The following LRBA variants were observed in gnomAD, a reference collection of about 807,000 sequenced individuals.
LRBA encodes the protein lipopolysaccharide-responsive and beige-like anchor protein.
Under a neutral mutation model 330.0 loss-of-function variants are expected in LRBA, and 176 were observed. The observed-to-expected ratio is 0.53, with a 90% CI of 0.47 to 0.60. LRBA has a LOEUF of 0.60. Among genes scored for constraint, LRBA ranks in the 20% least tolerant of loss-of-function variants. The pLI is 0.00. For synonymous variants in LRBA, 1,230 were observed against 1,193.0 expected, an observed-to-expected ratio of 1.03 and a Z score of -0.64; for missense variants, 3,259 against 3,444.8, an observed-to-expected ratio of 0.95 and a Z score of 1.35.
At chr4:150,446,990 A>G (rs1752691615) in intron 44 of LRBA, among the ~76,000 whole-genome samples, 1 of 152,200 alleles carries the variant, frequency 6.6e-6, no homozygotes, top group African/African-American at 2.4e-5. Context: ...GTGATAATCA[A>G]TACTTATGAG....
chr4:150,856,511 G>A (rs967787585), intron 22 of LRBA, among the ~76,000 whole-genome samples: 3 of 152,016 alleles, frequency 2.0e-5, no homozygotes, highest in African/African-American at 4.8e-5. Context: ...ATTTATTCTC[G>A]CTTCATACTT....
At chr4:150,464,173 C>T (rs1261796454) in intron 44 of LRBA, among the ~76,000 whole-genome samples, 1 of 151,940 alleles carries the variant, frequency 6.6e-6, no homozygotes. Flanking sequence ...TCTGAATAAG[C>T]TATGTGCTGA....
intron 44 of LRBA, among the ~76,000 whole-genome samples, chr4:150,460,684 T>C (rs1754666237): frequency 3.3e-5 from 5 of 151,824 alleles, no homozygotes; most frequent in Admixed American, 3.3e-4. Flanking sequence ...GTTCATTTTC[T>C]TCTACTCTTT....
chr4:150,775,450 G>T (rs1025425466), intron 34 of LRBA, among the ~76,000 whole-genome samples: 19 of 110,028 alleles, frequency 1.7e-4, no homozygotes, highest in Non-Finnish European at 7.1e-5. Context: ...AGTCTGCAAT[G>T]GAACACACAC....
chr4:150,582,042 G>C (rs2126379397), intron 40 of LRBA: 1 of 146,768 alleles, frequency 6.8e-6, no homozygotes, highest in African/African-American at 2.5e-5. Context: ...AGCGGGGCGA[G>C]AAAGAGGTCG....
At chr4:150,761,957 TA>T in intron 34 of LRBA, 110 bp from the exon 35 acceptor site, 1 of 654,146 alleles carries the variant, frequency 1.5e-6, no homozygotes, top group East Asian at 2.7e-5. Flanking sequence ...GCCTAACTCT[TA>T]AAAGTTATGT....
At chr4:150,489,943 A>G (rs1394653810) in intron 41 of LRBA, among the ~76,000 whole-genome samples, 2 of 151,150 alleles carry the variant, frequency 1.3e-5, no homozygotes, top group Admixed American at 6.7e-5. Flanking sequence ...ACAAGCATGC[A>G]TAAGAAATTT....
chr4:150,265,739 A>AC lies in LRBA; in HGVS notation c.8541_8542insG (p.Tyr2848ValfsTer17). The stretch of plus-strand genomic sequence containing the variant: ...TGTCACCATCAGTAGCGGGTTTGGT[A>AC]TTCATGATGCCACCGGTTAAAGTCG... On this transcript the variant is annotated frameshift_variant, in exon 57 of 57. Coordinates refer to ENST00000651943, the MANE Select transcript of LRBA (RefSeq NM_001364905.1). LOFTEE classifies it high-confidence loss of function. The AC allele has an allele frequency of 6.2e-7, 1 of 1,613,050 alleles. No homozygotes were observed.
intron 40 of LRBA, among the ~76,000 whole-genome samples, chr4:150,587,674 C>T (rs758017536): frequency 3.9e-5 from 6 of 152,084 alleles, no homozygotes; most frequent in Non-Finnish European, 7.4e-5. Context: ...ATATTGGCAT[C>T]ATATCCAGAA....
At chr4:150,592,680 G>T (rs1773040360) in intron 38 of LRBA, among the ~76,000 whole-genome samples, 1 of 152,046 alleles carries the variant, frequency 6.6e-6, no homozygotes, top group Admixed American at 6.6e-5. Context: ...TGTCACCCAG[G>T]CTGGAGTGCA....
chr4:150,750,813 T>C (rs1733424537), intron 35 of LRBA, among the ~76,000 whole-genome samples: 1 of 151,160 alleles, frequency 6.6e-6, no homozygotes, highest in African/African-American at 2.5e-5. Flanking sequence ...CTTATAAACA[T>C]TCTATTAGAA....
intron 44 of LRBA, among the ~76,000 whole-genome samples, chr4:150,462,916 TTA>T (rs1754962331): frequency 6.6e-6 from 1 of 151,896 alleles, no homozygotes. Context: ...TAGAGCTCAT[TTA>T]TATATGAGAT....
rs1178056079 is a variant in LRBA at position 150,928,816 on chromosome 4, C to T, written c.448+18G>A. ...ACTTTATTTCTTTGCATATATTGTA[C>T]TATAGAAAAAATCATACCTGCTATC... is the stretch of plus-strand genomic sequence containing the variant. On this transcript the variant is annotated intron_variant, in intron 3 of 56. Transcript: ENST00000651943. 6.4e-7 allele frequency: 1 copy of T among 1,571,244 alleles called. No homozygotes were observed. The highest frequency in any genetic ancestry group is 8.8e-7 in the Non-Finnish European group (1 of 1,142,030).
chr4:150,462,267 T>G (rs893976701), intron 44 of LRBA, among the ~76,000 whole-genome samples: 3 of 151,780 alleles, frequency 2.0e-5, no homozygotes, highest in African/African-American at 7.2e-5. Flanking sequence ...GAAATCAACC[T>G]CAAAATTGAT....
intron 47 of LRBA, among the ~76,000 whole-genome samples, chr4:150,383,725 T>C (rs1561098331): frequency 6.6e-6 from 1 of 152,102 alleles, no homozygotes; most frequent in Non-Finnish European, 1.5e-5. Flanking sequence ...CACTGTTGTG[T>C]CCCCAGTGCT....
intron 36 of LRBA, among the ~76,000 whole-genome samples, chr4:150,701,527 CAGG>C (rs1785120954): frequency 6.6e-6 from 1 of 152,156 alleles, no homozygotes; most frequent in Admixed American, 6.5e-5. Flanking sequence ...CAGTAGGCAA[CAGG>C]AGTTTTTCAG....
intron 30 of LRBA, among the ~76,000 whole-genome samples, chr4:150,818,439 C>T (rs1253926343): frequency 2.0e-5 from 3 of 151,850 alleles, no homozygotes; most frequent in Admixed American, 2.0e-4. Flanking sequence ...CAACAGCCAC[C>T]TGAGCCCCCA....
chr4:150,418,045 AG>A (rs1748048676), intron 46 of LRBA, among the ~76,000 whole-genome samples: 1 of 150,548 alleles, frequency 6.6e-6, no homozygotes, highest in Admixed American at 6.6e-5. Context: ...GTTAAGAGAC[AG>A]GGTCCCACTC....
intron 9 of LRBA, among the ~76,000 whole-genome samples, chr4:150,911,265 T>C (rs921233831): frequency 2.0e-5 from 3 of 152,202 alleles, no homozygotes; most frequent in East Asian, 1.9e-4. Flanking sequence ...TTGTTCCTGA[T>C]TTTAGAGGAA....
Sources: allele counts gnomAD v4.1 joint callset (sites outside exome capture counted in the v4.1 genomes callset), GRCh38; gene constraint gnomAD v4.1.1; transcripts MANE v1.5; gene names NCBI Gene and HGNC (gene_info 2026-07-23, HGNC 2026-07-21).